The following PRKAR1B variants were observed in gnomAD, a reference collection of about 807,000 sequenced individuals.
The protein encoded by PRKAR1B is protein kinase cAMP-dependent type I regulatory subunit beta.
PRKAR1B carries 22 observed loss-of-function variants against 46.5 expected under a neutral mutation model. The ratio of observed to expected loss-of-function variants is 0.47; its 90% CI spans 0.34 to 0.68. The LOEUF (loss-of-function observed/expected upper bound fraction) is 0.68. PRKAR1B is among the 30% of genes least tolerant of loss of function. The pLI is 0.01. For missense variants in PRKAR1B, 445 were observed against 535.6 expected (o/e 0.83, Z 1.67); for synonymous variants, 259 against 217.7 (o/e 1.19, Z -1.67).
At chr7:574,266 C>T (rs982481174) in intron 9 of PRKAR1B, among the ~76,000 whole-genome samples, 4 of 152,248 alleles carry the variant, frequency 2.6e-5, no homozygotes, top group Non-Finnish European at 4.4e-5. Context: ...CAGAAGCCCC[C>T]GAGTGCCTGC....
intron 4 of PRKAR1B, among the ~76,000 whole-genome samples, chr7:638,177 A>G (rs1286376970): frequency 6.6e-6 from 1 of 152,210 alleles, no homozygotes; most frequent in Non-Finnish European, 1.5e-5. Context: ...AAAGCCTAAA[A>G]TATCTTTAGA....
intron 1 of PRKAR1B, among the ~76,000 whole-genome samples, chr7:718,088 G>A (rs1316146895): frequency 6.6e-6 from 1 of 152,034 alleles, no homozygotes; most frequent in Non-Finnish European, 1.5e-5. Flanking sequence ...AGTGAATGCT[G>A]GAAACAACCA....
intron 9 of PRKAR1B, 24 bp from the exon 10 acceptor site, chr7:551,494 T>C: frequency 6.5e-7 from 1 of 1,549,060 alleles, no homozygotes; most frequent in East Asian, 2.4e-5. Flanking sequence ...TGGACAGACG[T>C]GAGTGCCAGC....
intron 2 of PRKAR1B, among the ~76,000 whole-genome samples, chr7:709,351 ATG>A (rs1562357838): frequency 6.7e-6 from 1 of 150,236 alleles, no homozygotes; most frequent in African/African-American, 2.4e-5. Context: ...GTGTGTATGC[ATG>A]TGTGTGTGTA....
intron 2 of PRKAR1B, among the ~76,000 whole-genome samples, chr7:695,673 T>G (rs949367499): frequency 6.6e-6 from 1 of 150,808 alleles, no homozygotes; most frequent in Non-Finnish European, 1.5e-5. Context: ...TGTTTTTTGT[T>G]TTTTTTTTGA....
chr7:556,198 G>A (rs909801208), intron 9 of PRKAR1B, among the ~76,000 whole-genome samples: 5 of 152,008 alleles, frequency 3.3e-5, no homozygotes, highest in African/African-American at 9.7e-5. Flanking sequence ...GCTCAGGTGG[G>A]GGCATTCGTG....
chr7:728,023 C>T (rs538688992), upstream of PRKAR1B, among the ~76,000 whole-genome samples: 194 of 152,146 alleles, frequency 1.3e-3, no homozygotes, highest in Middle Eastern at 3.4e-3. Flanking sequence ...CTTTCTGTCC[C>T]ATTCATCCTA....
rs140388160 is a variant in PRKAR1B at position 577,059 on chromosome 7, A to G, written c.891+2197T>C. ...GCGGCCCCGTCCAACTCCATCAGTC[A>G]CCTCACCCAATGCCATCAGCGGCCT... On this transcript the variant is annotated intron_variant, in intron 9 of 10. Coordinates refer to ENST00000537384, the MANE Select transcript of PRKAR1B (RefSeq NM_001164760.2). Among the ~76,000 whole-genome samples the G allele has an allele frequency of 6.5e-3, 830 of 128,632 alleles. 2 individuals carry two copies. Among genetic ancestry groups the G allele is most frequent in the Middle Eastern group, 0.014 (3 of 212 alleles). The allele number at this position is 128,632 out of a possible 152,430, so 84.4% of individuals were successfully genotyped here.
intron 4 of PRKAR1B, among the ~76,000 whole-genome samples, chr7:643,337 G>GA (rs746963006): frequency 6.6e-6 from 1 of 151,446 alleles, no homozygotes; most frequent in Non-Finnish European, 1.5e-5. Flanking sequence ...GAGGCACGGG[G>GA]AATCCCTAAA....
At chr7:581,550 AGCT>A (rs1780186300) in intron 8 of PRKAR1B, among the ~76,000 whole-genome samples, 1 of 152,244 alleles carries the variant, frequency 6.6e-6, no homozygotes, top group South Asian at 2.1e-4. Context: ...TTCAGAAGTC[AGCT>A]GCAGTTAGGA....
At chr7:601,620 G>A (rs1261472397) in intron 6 of PRKAR1B, among the ~76,000 whole-genome samples, 6 of 152,296 alleles carry the variant, frequency 3.9e-5, no homozygotes, top group Middle Eastern at 6.8e-3. Context: ...GCCCGGCCCC[G>A]CCCGGCCCCG....
intron 9 of PRKAR1B, among the ~76,000 whole-genome samples, chr7:555,086 A>G (rs2128420887): frequency 6.6e-6 from 1 of 152,316 alleles, no homozygotes; most frequent in Middle Eastern, 3.4e-3. Context: ...TTCTCCCCTC[A>G]GCAGTGAGAA....
At chr7:584,658 A>C in intron 7 of PRKAR1B, 90 bp from the exon 8 acceptor site, 7 of 1,159,928 alleles carry the variant, frequency 6.0e-6, no homozygotes, top group Non-Finnish European at 8.8e-6. Flanking sequence ...AATGACTCTC[A>C]ACTTTTAAAT....
In PRKAR1B at chr7:647,279, C is replaced by G. The variant is rs115266369; in HGVS notation, c.440+29950G>C. ...CCTCAGCAAAACCCGTTGGTCTAAC[C>G]AAGGGCCATCACCCAGTCTGTCCAC... On this transcript the variant is annotated intron_variant, in intron 4 of 10. Transcript: ENST00000537384. 4.6e-3 allele frequency among the ~76,000 whole-genome samples: 699 copies of G among 152,208 alleles called. 8 individuals carry two copies. Among genetic ancestry groups the G allele is most frequent in the African/African-American group, 0.016 (666 of 41,518 alleles).
chr7:686,280 G>A (rs756464853), intron 2 of PRKAR1B, among the ~76,000 whole-genome samples: 12 of 151,222 alleles, frequency 7.9e-5, no homozygotes, highest in East Asian at 7.8e-4. Context: ...CAGCCTGGGC[G>A]ACAGAGCGAG....
intron 4 of PRKAR1B, among the ~76,000 whole-genome samples, chr7:637,423 A>G (rs979636081): frequency 1.3e-5 from 2 of 152,142 alleles, no homozygotes; most frequent in African/African-American, 4.8e-5. Flanking sequence ...TCTCAAAAAA[A>G]CAAACAAACA....
rs1448836415 is a variant in PRKAR1B, at chr7:666,007, GGTGCCCTCGCCT to G, written c.440+11210_440+11221del. On this transcript the variant is annotated intron_variant, in intron 4 of 10. Transcript: ENST00000537384. The surrounding 1 kb of genome is among the most constrained non-coding windows in gnomAD (Gnocchi z 4.9). ...GCCAGGAAGGCCGCCTCAAGGGTGA[GGTGCCCTCGCCT>G]GTGCCCGTCTGGCAGCTCCAGTAAT... Among the ~76,000 whole-genome samples, 1 of 152,238 alleles carries G rather than the reference GGTGCCCTCGCCT, an allele frequency of 6.6e-6. No individual in the cohort carries two copies. Among genetic ancestry groups the G allele is most frequent in the African/African-American group, 2.4e-5 (1 of 41,466 alleles).
intron 1 of PRKAR1B, among the ~76,000 whole-genome samples, chr7:717,339 AAAAAG>A (rs757332905): frequency 1.7e-4 from 26 of 151,878 alleles, no homozygotes; most frequent in Admixed American, 4.6e-4. Context: ...GAAAGAAAGG[AAAAAG>A]AAAAGAAAAG....
intron 1 of PRKAR1B, among the ~76,000 whole-genome samples, chr7:719,317 G>T (rs1780994343): frequency 6.6e-6 from 1 of 152,088 alleles, no homozygotes; most frequent in Non-Finnish European, 1.5e-5. Flanking sequence ...TGGGATTACA[G>T]GCATGAGCCA....
Sources: gnomAD v4.1 joint callset for allele counts (sites outside exome capture counted in the v4.1 genomes callset) on GRCh38, gnomAD v4.1.1 for gene constraint, Gnocchi (gnomAD v3.1) non-coding constraint, MANE v1.5 for transcripts, NCBI Gene and HGNC (gene_info 2026-07-23, HGNC 2026-07-21) for gene names.